Variants in CA10 observed in about 807,000 individuals in gnomAD.
The protein encoded by CA10 is carbonic anhydrase-related protein 10.
In CA10, 14 loss-of-function variants were observed where a neutral mutation model predicts 44.2. The observed-to-expected ratio is 0.32, with a 90% CI of 0.21 to 0.50. The LOEUF (loss-of-function observed/expected upper bound fraction) is 0.50. Ranked by LOEUF, CA10 falls within the 20% of genes least tolerant of loss-of-function variation. The pLI, the probability that CA10 is intolerant of heterozygous loss-of-function variation, is 0.99. For missense variants in CA10, 350 were observed against 409.7 expected, an observed-to-expected ratio of 0.85 and a Z score of 1.26; for synonymous variants, 159 against 141.6, an observed-to-expected ratio of 1.12 and a Z score of -0.87.
At chr17:51,825,589 T>C (rs1052970686) in intron 3 of CA10, among the ~76,000 whole-genome samples, 3 of 152,218 alleles carry the variant, frequency 2.0e-5, no homozygotes, top group African/African-American at 7.2e-5. Context: ...TTCCATCTTT[T>C]GAACCAGGAA....
intron 6 of CA10, among the ~76,000 whole-genome samples, chr17:51,647,904 G>C (rs962736950): frequency 1.1e-4 from 16 of 152,084 alleles, no homozygotes; most frequent in African/African-American, 3.1e-4. Context: ...CATTCTTCTG[G>C]GCAATGTCTC....
chr17:51,979,144 T>G (rs889531202), intron 2 of CA10, among the ~76,000 whole-genome samples: 2 of 152,046 alleles, frequency 1.3e-5, no homozygotes, highest in African/African-American at 4.8e-5. Context: ...CCAGATATAA[T>G]TTCCGTGACC....
chr17:52,136,804 G>A (rs945860883), intron 1 of CA10, among the ~76,000 whole-genome samples: 2 of 152,164 alleles, frequency 1.3e-5, no homozygotes, highest in Non-Finnish European at 2.9e-5. Flanking sequence ...ACAGAAGAGA[G>A]TATATTTCAT....
intron 1 of CA10, among the ~76,000 whole-genome samples, chr17:52,155,577 G>C (rs180926072): frequency 1.2e-4 from 18 of 152,180 alleles, no homozygotes; most frequent in African/African-American, 4.3e-4. Context: ...CTGCTTACAG[G>C]AGGATGAGGC....
At chr17:51,856,113 A>G (rs1979029701) in intron 3 of CA10, among the ~76,000 whole-genome samples, 1 of 152,202 alleles carries the variant, frequency 6.6e-6, no homozygotes, top group Non-Finnish European at 1.5e-5. Flanking sequence ...TGTTTCTAGC[A>G]TTCCCGACCT....
chr17:51,822,186 G>T (rs191115812), intron 3 of CA10, among the ~76,000 whole-genome samples: 8 of 152,088 alleles, frequency 5.3e-5, no homozygotes, highest in Admixed American at 5.2e-4. Flanking sequence ...CAGTTTGGGA[G>T]GCTGAGGCAG....
intron 2 of CA10, among the ~76,000 whole-genome samples, chr17:52,071,052 T>C (rs1050809193): frequency 3.9e-5 from 6 of 152,220 alleles, no homozygotes; most frequent in African/African-American, 1.2e-4. Flanking sequence ...ATTCTATTTC[T>C]TTAAAAGGGA....
intron 1 of CA10, among the ~76,000 whole-genome samples, chr17:52,150,955 T>C (rs1162096060): frequency 2.6e-5 from 4 of 152,172 alleles, no homozygotes; most frequent in Admixed American, 1.3e-4. Flanking sequence ...GTGTATCACT[T>C]AGAATGTCCC....
At chr17:51,765,763 A>G (rs1905360110) in intron 3 of CA10, among the ~76,000 whole-genome samples, 1 of 148,032 alleles carries the variant, frequency 6.8e-6, no homozygotes, top group South Asian at 2.2e-4. Flanking sequence ...GGGGTTGGGT[A>G]TAGACAATCC....
At chr17:51,940,108 C>G (rs964547140) in intron 2 of CA10, among the ~76,000 whole-genome samples, 3 of 151,610 alleles carry the variant, frequency 2.0e-5, no homozygotes, top group African/African-American at 7.3e-5. Flanking sequence ...ATATTTTTTC[C>G]CTGATAAAAA....
chr17:51,870,717 G>T (rs1358136188), intron 3 of CA10, among the ~76,000 whole-genome samples: 2 of 152,138 alleles, frequency 1.3e-5, no homozygotes, highest in Non-Finnish European at 2.9e-5. Flanking sequence ...ATTGGCACAG[G>T]GACTGAAACA....
At chr17:51,841,828 C>A (rs576924424) in intron 3 of CA10, among the ~76,000 whole-genome samples, 1 of 152,152 alleles carries the variant, frequency 6.6e-6, no homozygotes, top group East Asian at 1.9e-4. Flanking sequence ...ATATTAGGAC[C>A]CTGACTCCAC....
At chr17:51,803,607 T>A (rs1048006683) in intron 3 of CA10, among the ~76,000 whole-genome samples, 3 of 152,318 alleles carry the variant, frequency 2.0e-5, no homozygotes, top group African/African-American at 7.2e-5. Flanking sequence ...AAAGGAGAAA[T>A]GTGTACAATG....
At chr17:51,689,038 G>A (rs1915100597) in intron 4 of CA10, among the ~76,000 whole-genome samples, 1 of 152,142 alleles carries the variant, frequency 6.6e-6, no homozygotes, top group Non-Finnish European at 1.5e-5. Context: ...ACGCAGTAGA[G>A]CCAAGATTAA....
intron 4 of CA10, among the ~76,000 whole-genome samples, chr17:51,654,252 C>T (rs72830548): frequency 0.13 from 19,325 of 152,320 alleles, 1,626 homozygotes; most frequent in Non-Finnish European, 0.18. Context: ...TTCTGATGCA[C>T]CAGCCTGTCC....
At position 51,744,614 on chromosome 17, in the gene CA10, C is replaced by CTAAA. The variant is rs1208908622; in HGVS notation, c.465+3015_465+3018dup. 2.4e-3 allele frequency among the ~76,000 whole-genome samples: 366 copies of CTAAA among 152,074 alleles called. 1 individual carries two copies. Among genetic ancestry groups the CTAAA allele is most frequent in the Middle Eastern group, 6.8e-3 (2 of 294 alleles). ...GGTAACAGAGTAAGACCCTTTCTCT[C>CTAAA]TAAATAAATAAATAAATAAATAAAA... On this transcript the variant is annotated intron_variant, in intron 4 of 8. Transcript: ENST00000451037.
Position 51,905,526 on chromosome 17 carries a change from CTT to C in CA10, c.279+25462_279+25463del, listed in dbSNP as rs34606778. ...TTATGGCCCATCATCCCTATCAGTC[CTT>C]TTTTTTTTTTTTTTTTTTTTTTTAC... On this transcript the variant is annotated intron_variant, in intron 3 of 8. Transcript: ENST00000451037. Among the ~76,000 whole-genome samples, 884 of 99,808 alleles carry C rather than the reference CTT, an allele frequency of 8.9e-3. 16 individuals are homozygous for C. The highest frequency in any genetic ancestry group is 0.037 in the African/African-American group (743 of 19,838). The allele number at this position is 99,808 out of a possible 152,430, so 65.5% of individuals were successfully genotyped here.
chr17:51,999,447 G>C (rs1431980553), intron 2 of CA10, among the ~76,000 whole-genome samples: 1 of 152,084 alleles, frequency 6.6e-6, no homozygotes, highest in Non-Finnish European at 1.5e-5. Context: ...CTGGAAGGCA[G>C]AAGTAAGGTG....
chr17:51,841,804 G>A (rs1347579719), intron 3 of CA10, among the ~76,000 whole-genome samples: 1 of 152,204 alleles, frequency 6.6e-6, no homozygotes, highest in Non-Finnish European at 1.5e-5. Context: ...GGTCAGGAAA[G>A]CTCCAGGGAG....
Sources: allele counts gnomAD v4.1 joint callset (sites outside exome capture counted in the v4.1 genomes callset), GRCh38; gene constraint gnomAD v4.1.1; transcripts MANE v1.5; gene names NCBI Gene and HGNC (gene_info 2026-07-23, HGNC 2026-07-21).